GLIS3: variants seen among roughly 807,000 people sequenced by gnomAD.
The protein encoded by GLIS3 is zinc finger protein GLIS3.
Under a neutral mutation model 78.6 loss-of-function variants are expected in GLIS3, and 53 were observed. That is an observed-to-expected ratio of 0.67 (90% confidence interval 0.54 to 0.85). The LOEUF (loss-of-function observed/expected upper bound fraction) is 0.85, where lower values mean the gene tolerates loss of function less well. GLIS3 is among the 40% of genes least tolerant of loss of function. The pLI, the probability that GLIS3 is intolerant of heterozygous loss-of-function variation, is 0.00. For synonymous variants in GLIS3, 684 were observed against 509.9 expected (o/e 1.34, Z -4.60); for missense variants, 1,703 against 1,231.1 (o/e 1.38, Z -5.74).
chr9:3,885,375 C>T (rs948061778), intron 7 of GLIS3, among the ~76,000 whole-genome samples: 9 of 152,196 alleles, frequency 5.9e-5, no homozygotes, highest in Non-Finnish European at 8.8e-5. Context: ...CTTTGTAAAT[C>T]TGCGTTGGAG....
Position 4,170,044 on chromosome 9 carries a change from A to G in GLIS3, c.389-44103T>C, listed in dbSNP as rs142879895. Among the ~76,000 whole-genome samples the G allele has an allele frequency of 1.8e-3, 281 of 152,334 alleles. 1 individual carries two copies. Among genetic ancestry groups the G allele is most frequent in the Middle Eastern group, 6.8e-3 (2 of 294 alleles). On this transcript the variant is annotated intron_variant, in intron 2 of 10. Transcript: ENST00000381971. ...AACCGTCTCTGATTCTGTGATAAGC[A>G]GTAAATCACGGATATAGAAACTGCC...
At chr9:4,382,673 T>C in the GLIS3 span, among the ~76,000 whole-genome samples, 1 of 152,148 alleles carries the variant, frequency 6.6e-6, no homozygotes, top group Non-Finnish European at 1.5e-5. Context: ...CCTAACCTCC[T>C]GAGACAAAAT....
chr9:3,931,285 GA>G (rs958487495), intron 6 of GLIS3, among the ~76,000 whole-genome samples: 12 of 149,422 alleles, frequency 8.0e-5, no homozygotes, highest in South Asian at 2.1e-4. Flanking sequence ...TCTCAAGGAA[GA>G]AAAAAAAAAT....
At chr9:3,879,046 C>G (rs1821533124) in intron 8 of GLIS3, among the ~76,000 whole-genome samples, 1 of 152,212 alleles carries the variant, frequency 6.6e-6, no homozygotes, top group South Asian at 2.1e-4. Flanking sequence ...AATCCTGTGC[C>G]TTAACAATAC....
At chr9:4,273,632 T>TA (rs1177962377) in intron 2 of GLIS3, among the ~76,000 whole-genome samples, 1 of 150,390 alleles carries the variant, frequency 6.6e-6, no homozygotes, top group South Asian at 2.1e-4. Flanking sequence ...AATAAATAAA[T>TA]AAATGTATTT....
At chr9:3,965,193 C>CTTTTTTTTTT (rs34951383) in intron 4 of GLIS3, among the ~76,000 whole-genome samples, 100 of 100,138 alleles carry the variant, frequency 1.0e-3, no homozygotes, top group East Asian at 1.2e-3. Context: ...CTTTTCTTTT[C>CTTTTTTTTTT]TTTTTTTTTT....
chr9:4,202,123 G>C (rs1023976976), intron 2 of GLIS3, among the ~76,000 whole-genome samples: 4 of 150,212 alleles, frequency 2.7e-5, no homozygotes, highest in Non-Finnish European at 4.4e-5. Flanking sequence ...GGGTGACAGA[G>C]CAAGACTCTT....
the GLIS3 span, among the ~76,000 whole-genome samples, chr9:4,387,184 C>A: frequency 6.6e-6 from 1 of 152,182 alleles, no homozygotes; most frequent in Non-Finnish European, 1.5e-5. Flanking sequence ...AAAACCTGGA[C>A]TGTTCTAGAA....
chr9:4,370,791 G>C, the GLIS3 span, among the ~76,000 whole-genome samples: 1 of 151,572 alleles, frequency 6.6e-6, no homozygotes, highest in Admixed American at 6.6e-5. Flanking sequence ...CATTCTCAAC[G>C]TACATTGGAA....
At chr9:4,450,345 A>G in the GLIS3 span, among the ~76,000 whole-genome samples, 2,101 of 152,228 alleles carry the variant, frequency 0.014, 52 homozygotes, top group African/African-American at 0.048. Context: ...ATATGGGACT[A>G]TGTGAAAAGA....
chr9:4,059,829 TGAGAGAGAGAGAGAGAGA>T (rs1004608610), intron 4 of GLIS3, among the ~76,000 whole-genome samples: 1 of 100,648 alleles, frequency 9.9e-6, no homozygotes, highest in African/African-American at 3.4e-5. Flanking sequence ...TGTGTGTGTG[TGAGAGAGAGAGAGAGAGA>T]GAGAGAGAGA....
chr9:3,882,807 T>C (rs1293452985), intron 7 of GLIS3, among the ~76,000 whole-genome samples: 1 of 152,192 alleles, frequency 6.6e-6, no homozygotes, highest in African/African-American at 2.4e-5. Context: ...ACTTCTTATC[T>C]AGGGTGGAGG....
chr9:4,483,517 A>G, the GLIS3 span, among the ~76,000 whole-genome samples: 15 of 152,166 alleles, frequency 9.9e-5, no homozygotes, highest in African/African-American at 3.6e-4. Context: ...CAGGAGTTTG[A>G]GACCAGCCTG....
Position 4,118,689 on chromosome 9 carries a change from A to G in GLIS3, c.789T>C (p.Asn263=), listed in dbSNP as rs769330867. 2 of 1,614,034 alleles carry G rather than the reference A, an allele frequency of 1.2e-6. No individual in the cohort carries two copies. The highest frequency in any genetic ancestry group is 2.2e-5 in the East Asian group (1 of 44,850). Residue 263 remains asparagine (N), a synonymous_variant, in exon 4 of 11, where the codon AAT becomes AAC. Transcript: ENST00000381971. The surrounding 1 kb of genome is among the most constrained non-coding windows in gnomAD (Gnocchi z 4.7). ...SLPPGTSMSS[N]SVSNSLPSYL... is the part of the protein sequence containing the mutation. ...AGGATGGTAATGAGTTAGAGACACT[A>G]TTGCTGGACATGGATGTCCCGGGAG... is the stretch of plus-strand genomic sequence containing the variant.
At chr9:4,216,863 A>G (rs1031668735) in intron 2 of GLIS3, among the ~76,000 whole-genome samples, 5 of 152,258 alleles carry the variant, frequency 3.3e-5, no homozygotes, top group Non-Finnish European at 7.3e-5. Flanking sequence ...CACGTGCATT[A>G]TGTTAAAAAT....
chr9:3,932,574 A>G (rs981974078), intron 5 of GLIS3, 104 bp from the exon 6 acceptor site: 14 of 832,114 alleles, frequency 1.7e-5, no homozygotes, highest in African/African-American at 5.0e-5. Context: ...ACTGTTACCA[A>G]TTGACTGATG....
intron 2 of GLIS3, among the ~76,000 whole-genome samples, chr9:4,271,159 A>T (rs933341631): frequency 6.6e-6 from 1 of 152,174 alleles, no homozygotes; most frequent in African/African-American, 2.4e-5. Flanking sequence ...TAATACTAGA[A>T]AATTAGGAAA....
intron 4 of GLIS3, among the ~76,000 whole-genome samples, chr9:4,009,737 A>T (rs971218637): frequency 6.6e-6 from 1 of 152,244 alleles, no homozygotes; most frequent in African/African-American, 2.4e-5. Flanking sequence ...TGGGCTGAAC[A>T]TTCAGGGATC....
At chr9:4,162,975 C>G (rs1835613492) in intron 2 of GLIS3, among the ~76,000 whole-genome samples, 1 of 151,888 alleles carries the variant, frequency 6.6e-6, no homozygotes, top group Admixed American at 6.6e-5. Flanking sequence ...CTTCTCTGGA[C>G]CCAGCTCCCT....
Sources: allele counts gnomAD v4.1 joint callset (sites outside exome capture counted in the v4.1 genomes callset), GRCh38; gene constraint gnomAD v4.1.1; non-coding constraint Gnocchi (gnomAD v3.1); transcripts MANE v1.5; gene names NCBI Gene and HGNC (gene_info 2026-07-23, HGNC 2026-07-21).